Variants in NRF1 observed in about 807,000 individuals in gnomAD.
The protein encoded by NRF1 is alpha palindromic-binding protein.
A neutral mutation model predicts 58.5 loss-of-function variants in NRF1; 5 were observed. That is an observed-to-expected ratio of 0.09 (90% CI 0.04 to 0.18). The LOEUF (loss-of-function observed/expected upper bound fraction) is 0.18, where lower values mean the gene tolerates loss of function less well. Among genes scored for constraint, NRF1 ranks in the 10% least tolerant of loss-of-function variants. The pLI is 1.00. For missense variants in NRF1, 288 were observed against 657.7 expected, an observed-to-expected ratio of 0.44 and a Z score of 6.15; for synonymous variants, 224 against 246.7, an observed-to-expected ratio of 0.91 and a Z score of 0.86.
chr7:129,736,084 G>A (rs1392807855), intron 10 of NRF1, among the ~76,000 whole-genome samples: 1 of 152,028 alleles, frequency 6.6e-6, no homozygotes, highest in Non-Finnish European at 1.5e-5. Context: ...TAAAACAAAC[G>A]TACATTTTAC....
chr7:129,651,556 G>C (rs1364861051), intron 1 of NRF1, among the ~76,000 whole-genome samples: 2 of 152,224 alleles, frequency 1.3e-5, no homozygotes, highest in East Asian at 1.9e-4. Context: ...CTGCATTCTG[G>C]AGCAAAGAAT....
chr7:129,713,014 A>C (rs1803109750), intron 8 of NRF1, among the ~76,000 whole-genome samples: 1 of 152,148 alleles, frequency 6.6e-6, no homozygotes, highest in African/African-American at 2.4e-5. Flanking sequence ...CTATTTAAAG[A>C]AAGTAACTTC....
In NRF1 at chr7:129,654,615, A is replaced by G. The variant is rs191140772; in HGVS notation, c.-6-2731A>G. Among the ~76,000 whole-genome samples, 183 of 152,240 alleles carry G rather than the reference A, an allele frequency of 1.2e-3. 3 individuals carry two copies. Among genetic ancestry groups the G allele is most frequent in the Admixed American group, 7.3e-3 (112 of 15,282 alleles). Reference sequence around the variant, plus strand: ...TTTGCATTTTACATTTAGGTTTATGATCCATTTTGTATCAGTTTTTGTGAA... The same window carrying G: ...TTTGCATTTTACATTTAGGTTTATGGTCCATTTTGTATCAGTTTTTGTGAA... On this transcript the variant is annotated intron_variant, in intron 1 of 10. Coordinates refer to ENST00000393232, the MANE Select transcript of NRF1 (RefSeq NM_005011.5).
intron 10 of NRF1, among the ~76,000 whole-genome samples, chr7:129,748,507 A>AT (rs1319078668): frequency 6.6e-6 from 1 of 152,176 alleles, no homozygotes; most frequent in African/African-American, 2.4e-5. Flanking sequence ...GCAGGGCCTA[A>AT]TTCCAGACAG....
rs529661834 is a variant in NRF1, at chr7:129,629,512, T to G, written c.-7+17688T>G. Among the ~76,000 whole-genome samples the G allele has an allele frequency of 2.0e-5, 3 of 152,174 alleles. No homozygotes were observed. In the East Asian group the frequency reaches 5.8e-4, roughly 29 times the overall value. ...CTGTTCTCAAACTCCTGACCTCAGGTGATCTGTCAGCCTCAGCCTCCCAAA... is the reference window on the plus strand; with the variant it reads ...CTGTTCTCAAACTCCTGACCTCAGGGGATCTGTCAGCCTCAGCCTCCCAAA... On this transcript the variant is annotated intron_variant, in intron 1 of 10. Transcript: ENST00000393232.
intron 1 of NRF1, among the ~76,000 whole-genome samples, chr7:129,627,667 T>C (rs1800951091): frequency 6.6e-6 from 1 of 152,198 alleles, no homozygotes. Context: ...TTGACTATTA[T>C]ATATAGTCTT....
In NRF1 at chr7:129,642,756, A is replaced by T. The variant is rs201879081; in HGVS notation, c.-6-14590A>T. Among the ~76,000 whole-genome samples the T allele has an allele frequency of 1.9e-3, 245 of 131,716 alleles. 10 individuals are homozygous for T. Among genetic ancestry groups the T allele is most frequent in the Admixed American group, 6.4e-3 (71 of 11,116 alleles). 86.4% of individuals were successfully genotyped at this position (131,716 alleles called of 152,430 possible). The stretch of plus-strand genomic sequence containing the variant: ...TTCTAAAAGAATACATTCTTTAAAA[A>T]ATTTTTTTTTTTTTTTTTTTAAATG... On this transcript the variant is annotated intron_variant, in intron 1 of 10. Coordinates refer to ENST00000393232, the MANE Select transcript of NRF1 (RefSeq NM_005011.5).
chr7:129,660,197 A>G (rs1471418569), intron 2 of NRF1, among the ~76,000 whole-genome samples: 1 of 152,098 alleles, frequency 6.6e-6, no homozygotes, highest in African/African-American at 2.4e-5. Context: ...ATTACCTCCC[A>G]CCGGGTCCTT....
At chr7:129,682,869 T>C (rs917258872) in intron 4 of NRF1, among the ~76,000 whole-genome samples, 7 of 151,830 alleles carry the variant, frequency 4.6e-5, no homozygotes, top group Non-Finnish European at 1.0e-4. Flanking sequence ...GGGATAAATA[T>C]ATCATATTTG....
chr7:129,682,934 A>G (rs927550028), intron 4 of NRF1, among the ~76,000 whole-genome samples: 13 of 152,260 alleles, frequency 8.5e-5, no homozygotes, highest in East Asian at 3.9e-4. Flanking sequence ...CCAGGCCTCA[A>G]ATAATTTTTT....
intron 5 of NRF1, among the ~76,000 whole-genome samples, chr7:129,705,402 T>C (rs1802925101): frequency 6.6e-6 from 1 of 152,178 alleles, no homozygotes; most frequent in Non-Finnish European, 1.5e-5. Context: ...GCGATTCTCC[T>C]GCCTCAGCCT....
At chr7:129,728,938 T>C (rs1452427390) in intron 10 of NRF1, among the ~76,000 whole-genome samples, 1 of 152,216 alleles carries the variant, frequency 6.6e-6, no homozygotes, top group Non-Finnish European at 1.5e-5. Flanking sequence ...ATGGTTGGAA[T>C]TAAGGAGAAC....
intron 1 of NRF1, among the ~76,000 whole-genome samples, chr7:129,630,893 T>A (rs1022814438): frequency 3.3e-5 from 5 of 152,226 alleles, no homozygotes; most frequent in Admixed American, 3.3e-4. Flanking sequence ...AAACCAGTTT[T>A]ATGTTAACCT....
chr7:129,710,749 A>G (rs1234442068), intron 7 of NRF1, among the ~76,000 whole-genome samples, 178 bp downstream of exon 7: 4 of 152,312 alleles, frequency 2.6e-5, no homozygotes, highest in East Asian at 1.9e-4. Flanking sequence ...TGCATTTGCT[A>G]AATACAGAGC....
chr7:129,733,776 C>T (rs1476424700), intron 10 of NRF1, among the ~76,000 whole-genome samples: 1 of 152,072 alleles, frequency 6.6e-6, no homozygotes, highest in Admixed American at 6.5e-5. Flanking sequence ...ATAATCCTAA[C>T]GCTTTGAAAG....
intron 1 of NRF1, among the ~76,000 whole-genome samples, chr7:129,642,462 A>T (rs1404194798): frequency 2.6e-5 from 4 of 152,356 alleles, no homozygotes; most frequent in Non-Finnish European, 2.9e-5. Flanking sequence ...GTAGACATTT[A>T]AAAAAGATAC....
At chr7:129,663,182 C>G (rs1474125374) in intron 2 of NRF1, among the ~76,000 whole-genome samples, 1 of 152,142 alleles carries the variant, frequency 6.6e-6, no homozygotes, top group Non-Finnish European at 1.5e-5. Flanking sequence ...ACAAATCTGA[C>G]CTCTCTTCCT....
At chr7:129,663,145 G>A (rs891906979) in intron 2 of NRF1, among the ~76,000 whole-genome samples, 2 of 152,170 alleles carry the variant, frequency 1.3e-5, no homozygotes, top group Non-Finnish European at 2.9e-5. Context: ...AGTCTCCTAT[G>A]TCTACTTCTT....
intron 10 of NRF1, among the ~76,000 whole-genome samples, chr7:129,743,326 GCA>G (rs1208772933): frequency 1.3e-5 from 2 of 152,180 alleles, no homozygotes; most frequent in African/African-American, 4.8e-5. Flanking sequence ...ATTAAATGGA[GCA>G]CCTTAGTAAA....
Sources: allele counts gnomAD v4.1 joint callset (sites outside exome capture counted in the v4.1 genomes callset), GRCh38; gene constraint gnomAD v4.1.1; transcripts MANE v1.5; gene names NCBI Gene and HGNC (gene_info 2026-07-23, HGNC 2026-07-21).